RDX: variants seen among roughly 807,000 people sequenced by gnomAD.
The protein encoded by RDX is deafness, autosomal recessive 24.
In RDX, 32 loss-of-function variants were observed where a neutral mutation model predicts 83.7. That is an observed-to-expected ratio of 0.38 (90% CI 0.29 to 0.51). The LOEUF (loss-of-function observed/expected upper bound fraction) is 0.51, where lower values mean the gene tolerates loss of function less well. RDX is among the 20% of genes least tolerant of loss of function. The probability of loss-of-function intolerance (pLI) is 0.87; values close to 1 mark genes in which losing one functional copy is unlikely to be tolerated. For missense variants in RDX, 600 were observed against 689.9 expected (o/e 0.87, Z 1.46); for synonymous variants, 229 against 222.7 (o/e 1.03, Z -0.25).
At chr11:110,182,161 C>T (rs997271017) in intron 15 of RDX, among the ~76,000 whole-genome samples, 2 of 152,250 alleles carry the variant, frequency 1.3e-5, no homozygotes, top group African/African-American at 4.8e-5. Flanking sequence ...GTGAGGACTA[C>T]TGAGCTCCAC....
rs751918670 is a variant in RDX at position 110,260,528 on chromosome 11, G to A, written c.468-2339C>T. Reference sequence around the variant, plus strand: ...GCCATCTTGGCTCACTGCAACCTCCGCCTCCCGGGTTCCAGTGATTCTCAG... The same window carrying A: ...GCCATCTTGGCTCACTGCAACCTCCACCTCCCGGGTTCCAGTGATTCTCAG... On this transcript the variant is annotated intron_variant, in intron 5 of 13. Coordinates refer to ENST00000645495, the MANE Select transcript of RDX (RefSeq NM_002906.4). Among the ~76,000 whole-genome samples, 53 of 152,024 alleles carry A rather than the reference G, an allele frequency of 3.5e-4. 1 individual carries two copies. Among genetic ancestry groups the A allele is most frequent in the Non-Finnish European group, 6.3e-4 (43 of 67,944 alleles).
intron 1 of RDX, among the ~76,000 whole-genome samples, chr11:110,289,681 C>T (rs1024313386): frequency 6.6e-6 from 1 of 152,054 alleles, no homozygotes; most frequent in Admixed American, 6.6e-5. Flanking sequence ...CTTTGGGAAG[C>T]CAAGGCGGGT....
At chr11:110,186,430 GT>G (rs61035507) in intron 15 of RDX, among the ~76,000 whole-genome samples, 6,330 of 151,116 alleles carry the variant, frequency 0.042, 454 homozygotes, top group African/African-American at 0.15. Flanking sequence ...TTCATCACTC[GT>G]TTTTTTTTCC....
At chr11:110,245,250 C>T (rs1859053314) in intron 10 of RDX, among the ~76,000 whole-genome samples, 1 of 152,074 alleles carries the variant, frequency 6.6e-6, no homozygotes, top group Non-Finnish European at 1.5e-5. Context: ...CCACGCCTGG[C>T]CAAATTTTTT....
chr11:110,228,241 T>TG (rs1232779185), downstream of RDX, among the ~76,000 whole-genome samples: 1 of 152,018 alleles, frequency 6.6e-6, no homozygotes, highest in Non-Finnish European at 1.5e-5. Flanking sequence ...CCGTAGACTG[T>TG]GGGGGGTCAG....
intron 14 of RDX, among the ~76,000 whole-genome samples, chr11:110,211,233 G>A (rs934933734): frequency 3.3e-5 from 5 of 151,970 alleles, no homozygotes; most frequent in African/African-American, 1.2e-4. Context: ...GATCAAAAGA[G>A]ACAAGGCCAT....
rs114587231 is a variant in RDX at position 110,276,155 on chromosome 11, T to G, written c.12+3526A>C. Among the ~76,000 whole-genome samples, 973 of 152,314 alleles carry G rather than the reference T, an allele frequency of 6.4e-3. 12 individuals carry two copies. Among genetic ancestry groups the G allele is most frequent in the African/African-American group, 0.023 (939 of 41,566 alleles). On this transcript the variant is annotated intron_variant, in intron 2 of 13. Transcript: ENST00000645495. ...TAAGGATATTCATATATTTCCTATT[T>G]TGATTTTCACAATTTTCAATGATTT...
intron 15 of RDX, among the ~76,000 whole-genome samples, chr11:110,198,474 G>A (rs989433589): frequency 7.9e-5 from 12 of 152,308 alleles, no homozygotes; most frequent in African/African-American, 2.6e-4. Flanking sequence ...GGCCTGTTAG[G>A]AACTGGGTGG....
At chr11:110,181,453 C>T (rs935710080) in intron 15 of RDX, among the ~76,000 whole-genome samples, 1 of 152,188 alleles carries the variant, frequency 6.6e-6, no homozygotes, top group African/African-American at 2.4e-5. Context: ...TGAGCCACCG[C>T]GCCTGGCCAG....
chr11:110,267,911 G>A (rs1465104764), intron 3 of RDX, among the ~76,000 whole-genome samples: 1 of 151,712 alleles, frequency 6.6e-6, no homozygotes, highest in African/African-American at 2.4e-5. Context: ...CTGTGATTAT[G>A]CCACTGCACT....
chr11:110,244,338 G>A (rs1056080417), intron 10 of RDX, among the ~76,000 whole-genome samples: 2 of 136,612 alleles, frequency 1.5e-5, no homozygotes, highest in Non-Finnish European at 3.0e-5. Flanking sequence ...ACTCCAACCT[G>A]GGGCAACAGA....
At position 110,238,040 on chromosome 11, in the gene RDX, C is replaced by T. The variant is rs540047938; in HGVS notation, c.1091-388G>A. Among the ~76,000 whole-genome samples the T allele has an allele frequency of 2.8e-4, 42 of 152,316 alleles. 1 individual carries two copies. In the South Asian group the frequency reaches 8.5e-3, roughly 31 times the overall value. On this transcript the variant is annotated intron_variant, in intron 10 of 13. Coordinates refer to ENST00000645495, the MANE Select transcript of RDX (RefSeq NM_002906.4). ...AACTATTTTATTTTTAAAAAATAATCTCTCCATCTGAAGTTTTGACCTCAG... is the reference window on the plus strand; with the variant it reads ...AACTATTTTATTTTTAAAAAATAATTTCTCCATCTGAAGTTTTGACCTCAG...
At chr11:110,182,058 G>A (rs565555871) in intron 15 of RDX, among the ~76,000 whole-genome samples, 4 of 152,278 alleles carry the variant, frequency 2.6e-5, no homozygotes, top group East Asian at 3.9e-4. Flanking sequence ...AAGAGAAGGT[G>A]GGGGAGAGAC....
intron 6 of RDX, 38 bp from the exon 7 acceptor site, chr11:110,257,951 G>A (rs1234514583): frequency 6.3e-7 from 1 of 1,593,740 alleles, no homozygotes; most frequent in South Asian, 1.1e-5. Context: ...ATTTAAGTAG[G>A]AGCATATCAA....
chr11:110,263,946 C>G lies in RDX; in HGVS notation c.467+14G>C, dbSNP rs1859911216. 3.7e-6 allele frequency: 6 copies of G among 1,610,720 alleles called. No individual in the cohort carries two copies. Among genetic ancestry groups the G allele is most frequent in the Non-Finnish European group, 5.1e-6 (6 of 1,177,432 alleles). ...ATTTTCAGACAATATAATGCAAACG[C>G]ATGTTTCACTTACCGCTGGGGTAGG... is the stretch of plus-strand genomic sequence containing the variant. On this transcript the variant is annotated intron_variant, in intron 5 of 13. Coordinates refer to ENST00000645495, the MANE Select transcript of RDX (RefSeq NM_002906.4).
intron 15 of RDX, among the ~76,000 whole-genome samples, chr11:110,188,635 A>G (rs1358508857): frequency 6.6e-6 from 1 of 152,202 alleles, no homozygotes; most frequent in African/African-American, 2.4e-5. Context: ...ACCAAACACA[A>G]CTAACAGGCT....
intron 1 of RDX, among the ~76,000 whole-genome samples, chr11:110,294,255 C>T (rs537535697): frequency 2.8e-4 from 42 of 152,278 alleles, no homozygotes; most frequent in Middle Eastern, 3.4e-3. Context: ...ATTAGCCGGG[C>T]ATGGTGGCGC....
intron 10 of RDX, among the ~76,000 whole-genome samples, chr11:110,242,434 C>CA (rs1865135558): frequency 9.4e-6 from 1 of 106,638 alleles, no homozygotes. Context: ...GACTTTGTCT[C>CA]AAAAAATTTA....
intron 1 of RDX, among the ~76,000 whole-genome samples, chr11:110,294,197 C>A (rs1861354049): frequency 6.6e-6 from 1 of 152,252 alleles, no homozygotes; most frequent in African/African-American, 2.4e-5. Context: ...GAGTTCCAGA[C>A]CAGCCTGGCC....
Sources: gnomAD v4.1 joint callset for allele counts (sites outside exome capture counted in the v4.1 genomes callset) on GRCh38, gnomAD v4.1.1 for gene constraint, MANE v1.5 for transcripts, NCBI Gene and HGNC (gene_info 2026-07-23, HGNC 2026-07-21) for gene names.